Variants in CFAP74 observed in about 807,000 individuals in gnomAD.
CFAP74 encodes the protein cilia- and flagella-associated protein 74.
In CFAP74, 124 loss-of-function variants were observed where a neutral mutation model predicts 188.9. The ratio of observed to expected loss-of-function variants is 0.66; its 90% CI spans 0.57 to 0.76. The LOEUF is 0.76. Among genes scored for constraint, CFAP74 ranks in the 30% least tolerant of loss-of-function variants. The pLI is 0.00. For missense variants in CFAP74, 2,198 were observed against 2,165.2 expected (o/e 1.02, Z -0.30); for synonymous variants, 956 against 916.7 (o/e 1.04, Z -0.77).
At position 1,926,517 on chromosome 1, in the gene CFAP74, A is replaced by C; in HGVS notation, c.3773-5T>G. On this transcript the variant is annotated splice_polypyrimidine_tract_variant and splice_region_variant and intron_variant, in intron 30 of 38. Transcript: ENST00000682832. ...TCTTCTTGATACTGCGGTGCCCTGA[A>C]ATGGGGCAGGGAGCGTCAGGCCCCA... 1 of 1,549,932 alleles carries C rather than the reference A, an allele frequency of 6.5e-7. No individual in the cohort carries two copies. Among genetic ancestry groups the C allele is most frequent in the Non-Finnish European group, 8.7e-7 (1 of 1,146,802 alleles).
In CFAP74 at chr1:1,968,666, T is replaced by C. The variant is rs1184618593; in HGVS notation, c.1214A>G (p.Lys405Arg). The C allele has an allele frequency of 6.2e-7, 1 of 1,605,428 alleles. No homozygotes were observed. Among genetic ancestry groups the C allele is most frequent in the East Asian group, 2.3e-5 (1 of 44,302 alleles). ...TWNYISDFCK[K>R]TTVPTNTYTL... ...GTACGTGTTGGTTGGGACTGTGGTC[T>C]TCTTGCAAAAGTCAGAAATGTAGTT... Residue 405 changes from lysine to arginine, a missense_variant, in exon 11 of 39, where the codon AAG (lysine) becomes AGG (arginine). Transcript: ENST00000682832. The surrounding 1 kb of genome is among the most constrained non-coding windows in gnomAD (Gnocchi z 4.3).
rs1013443820 is a variant in CFAP74 at position 1,964,972 on chromosome 1, G to A, written c.1491C>T (p.Ser497=). The change falls in exon 13 of 39, where the codon AGC becomes AGT. Residue 497 remains serine, a synonymous_variant. Transcript: ENST00000682832. ...ILERTVERLR[S]RVVHKQVVWG... ...ACACCACCTGCTTGTGGACCACCCT[G>A]CTCCGCAGCCGCTCCACCGTGCGCT... 6.2e-7 allele frequency: 1 copy of A among 1,613,940 alleles called. No homozygotes were observed. Among genetic ancestry groups the A allele is most frequent in the East Asian group, 2.2e-5 (1 of 44,880 alleles).
intron 10 of CFAP74, among the ~76,000 whole-genome samples, chr1:1,970,063 G>A (rs1655829411): frequency 6.6e-6 from 1 of 152,374 alleles, no homozygotes; most frequent in South Asian, 2.1e-4. Context: ...TGGATCTCAG[G>A]AAGCCCAGTG....
At chr1:1,986,160 G>T (rs975807436) in intron 5 of CFAP74, among the ~76,000 whole-genome samples, 1 of 152,160 alleles carries the variant, frequency 6.6e-6, no homozygotes, top group Non-Finnish European at 1.5e-5. Context: ...CGAGGCGGGT[G>T]GATCACAAGG....
intron 14 of CFAP74, among the ~76,000 whole-genome samples, chr1:1,962,506 A>C (rs1655165396): frequency 6.6e-6 from 1 of 151,754 alleles, no homozygotes; most frequent in Admixed American, 6.6e-5. Flanking sequence ...TAAGTTACTA[A>C]GGAGCAGAAG....
chr1:1,998,048 C>A (rs568667549), intron 1 of CFAP74, among the ~76,000 whole-genome samples: 4 of 152,018 alleles, frequency 2.6e-5, no homozygotes, highest in Non-Finnish European at 4.4e-5. Context: ...GAGGCTGAGG[C>A]GGGTGGATCA....
In CFAP74 at chr1:1,942,259, A is replaced by G. The variant is rs1653433302; in HGVS notation, c.2487-103T>C. On this transcript the variant is annotated intron_variant, in intron 21 of 38. Coordinates refer to ENST00000682832, the MANE Select transcript of CFAP74 (RefSeq NM_001304360.2). This position sits in a 1 kb window ranked among gnomAD's most constrained non-coding sequence, Gnocchi z 4.3. ...AACATTTCTGGCACCCAAGCCCCCG[A>G]GAGGTGCTCAGAGCCCACCCACTCC... is the stretch of plus-strand genomic sequence containing the variant. 1 of 1,175,410 alleles carries G rather than the reference A, an allele frequency of 8.5e-7. No individual in the cohort carries two copies. The highest frequency in any genetic ancestry group is 1.1e-6 in the Non-Finnish European group (1 of 893,432). The allele number at this position is 1,175,410 out of a possible 1,614,324, so 72.8% of individuals were successfully genotyped here. A position where few individuals can be genotyped will look rare whatever the true frequency, so the allele number is the denominator to read the frequency against.
chr1:1,922,022 G>C lies in CFAP74; in HGVS notation c.*265C>G, dbSNP rs1158494839. 2 of 481,402 alleles carry C rather than the reference G, an allele frequency of 4.2e-6. No individual in the cohort carries two copies. Among genetic ancestry groups the C allele is most frequent in the Non-Finnish European group, 7.4e-6 (2 of 270,376 alleles). The allele number at this position is 481,402 out of a possible 1,614,324, so 29.8% of individuals were successfully genotyped here. A position where few individuals can be genotyped will look rare whatever the true frequency, so the allele number is the denominator to read the frequency against. ...TCTCCTGGGGGCTGGGGGCTCTGAG[G>C]GGGTCTGGCTAGGATGGCTGAGGGC... is the stretch of plus-strand genomic sequence containing the variant. On this transcript the variant is annotated 3_prime_UTR_variant, in exon 39 of 39. Coordinates refer to ENST00000682832, the MANE Select transcript of CFAP74 (RefSeq NM_001304360.2).
rs1308488292 is a variant in CFAP74, at chr1:1,935,184, A to G, written c.3011+3671T>C. 2.8e-5 allele frequency among the ~76,000 whole-genome samples: 2 copies of G among 70,610 alleles called. 1 individual carries two copies. Among genetic ancestry groups the G allele is most frequent in the African/African-American group, 1.1e-4 (2 of 18,216 alleles). The allele number at this position is 70,610 out of a possible 152,430, so 46.3% of individuals were successfully genotyped here. A position where few individuals can be genotyped will look rare whatever the true frequency, so the allele number is the denominator to read the frequency against. ...GTACACACGTGTGTACGTGGGTGTTAGGTTGTGGGTACACACGTGTACGTG... is the reference window on the plus strand; with the variant it reads ...GTACACACGTGTGTACGTGGGTGTTGGGTTGTGGGTACACACGTGTACGTG... On this transcript the variant is annotated intron_variant, in intron 25 of 38. Coordinates refer to ENST00000682832, the MANE Select transcript of CFAP74 (RefSeq NM_001304360.2).
At chr1:1,969,908 C>T (rs1655813461) in intron 10 of CFAP74, among the ~76,000 whole-genome samples, 1 of 152,222 alleles carries the variant, frequency 6.6e-6, no homozygotes. Flanking sequence ...GAGAAAGGGC[C>T]AGGCTCCCGG....
chr1:1,988,994 T>TC, intron 2 of CFAP74, 21 bp from the exon 3 acceptor site: 1 of 1,213,488 alleles, frequency 8.2e-7, no homozygotes, highest in Non-Finnish European at 1.2e-6. Flanking sequence ...AGGCAAGAGT[T>TC]TAAAAAAAAA....
At chr1:1,972,902 G>T in intron 8 of CFAP74, 35 bp downstream of exon 8, 1 of 1,338,416 alleles carries the variant, frequency 7.5e-7, no homozygotes, top group Non-Finnish European at 1.1e-6. Flanking sequence ...CGTATTCTTG[G>T]GTTTCTCCTT....
intron 20 of CFAP74, among the ~76,000 whole-genome samples, chr1:1,945,396 G>A (rs1010502551): frequency 3.9e-5 from 6 of 152,164 alleles, no homozygotes; most frequent in African/African-American, 1.4e-4. Context: ...CCTAGGCAGT[G>A]GTACTGTCCT....
intron 18 of CFAP74, among the ~76,000 whole-genome samples, chr1:1,950,011 T>C (rs996220844): frequency 2.6e-5 from 4 of 152,164 alleles, no homozygotes; most frequent in East Asian, 1.9e-4. Flanking sequence ...ATTTAAGTTT[T>C]CGCTTCTCTT....
intron 6 of CFAP74, among the ~76,000 whole-genome samples, chr1:1,980,091 A>AGG: frequency 7.7e-6 from 1 of 129,746 alleles, no homozygotes; most frequent in Non-Finnish European, 1.7e-5. Context: ...CGGGTGAACG[A>AGG]GAGTGTATCT....
At chr1:1,927,231 T>C (rs1651976899) in intron 28 of CFAP74, 2 of 637,876 alleles carry the variant, frequency 3.1e-6, no homozygotes, top group East Asian at 5.6e-5. Flanking sequence ...CCTCGTCAGC[T>C]GGTGGCTGGA....
chr1:1,926,157 G>A (rs1015944928), intron 32 of CFAP74, 71 bp downstream of exon 32: 311 of 1,456,756 alleles, frequency 2.1e-4, no homozygotes, highest in Middle Eastern at 8.1e-4. Flanking sequence ...TGCCCGCCCC[G>A]GCCAGTGCCT....
intron 33 of CFAP74, among the ~76,000 whole-genome samples, chr1:1,924,836 T>C (rs1326958135): frequency 2.0e-5 from 3 of 152,214 alleles, no homozygotes; most frequent in Non-Finnish European, 4.4e-5. Flanking sequence ...CGTCCCCACC[T>C]GTGTCCTCCC....
In CFAP74 at chr1:1,973,362, A is replaced by C. The variant is rs1377719677; in HGVS notation, c.675-315T>G. 6.6e-6 allele frequency among the ~76,000 whole-genome samples: 1 copy of C among 152,026 alleles called. No homozygotes were observed. Among genetic ancestry groups the C allele is most frequent in the South Asian group, 2.1e-4 (1 of 4,818 alleles). On this transcript the variant is annotated intron_variant, in intron 7 of 38. Transcript: ENST00000682832. This position sits in a 1 kb window ranked among gnomAD's most constrained non-coding sequence, Gnocchi z 6.2. ...GCAGTGCTGTGGGGAGGGAGGAGGC[A>C]GGGGCTGGGGACCTTGTGTCTGCAG... is the stretch of plus-strand genomic sequence containing the variant.
Sources: allele counts gnomAD v4.1 joint callset (sites outside exome capture counted in the v4.1 genomes callset), GRCh38; gene constraint gnomAD v4.1.1; non-coding constraint Gnocchi (gnomAD v3.1); transcripts MANE v1.5; gene names NCBI Gene and HGNC (gene_info 2026-07-23, HGNC 2026-07-21).